Variants in GALM observed in about 807,000 individuals in gnomAD.
GALM encodes aldose 1-epimerase.
A neutral mutation model predicts 37.4 loss-of-function variants in GALM; 43 were observed. The ratio of observed to expected loss-of-function variants is 1.15; its 90% CI spans 0.90 to 1.48. GALM has a LOEUF of 1.48. GALM is among the 40% of genes most tolerant of loss of function. GALM has a pLI of 0.00. For missense variants in GALM, 456 were observed against 419.1 expected (o/e 1.09, Z -0.77); for synonymous variants, 199 against 170.6 (o/e 1.17, Z -1.30).
intron 3 of GALM, chr2:38,682,255 C>T (rs1191712448): frequency 2.2e-6 from 1 of 455,372 alleles, no homozygotes; most frequent in South Asian, 1.6e-5. Flanking sequence ...CAGTTTAGCT[C>T]ATTGAGGAGG....
At chr2:38,709,837 C>G (rs1289660661) in intron 4 of GALM, among the ~76,000 whole-genome samples, 2 of 152,194 alleles carry the variant, frequency 1.3e-5, no homozygotes, top group African/African-American at 4.8e-5. Context: ...AGATGATTTA[C>G]GAAGATGGCT....
chr2:38,732,647 A>G (rs771167150), intron 6 of GALM, among the ~76,000 whole-genome samples: 1 of 152,184 alleles, frequency 6.6e-6, no homozygotes, highest in African/African-American at 2.4e-5. Context: ...TGGGCTGGGC[A>G]AGGTGGCTCA....
At chr2:38,730,141 C>T (rs1467237589) in intron 5 of GALM, among the ~76,000 whole-genome samples, 4 of 152,242 alleles carry the variant, frequency 2.6e-5, no homozygotes, top group Non-Finnish European at 5.9e-5. Context: ...TGCACGCTCT[C>T]GCCTTCTCAC....
chr2:38,733,136 G>A (rs978808712), intron 6 of GALM, among the ~76,000 whole-genome samples: 3 of 149,006 alleles, frequency 2.0e-5, no homozygotes, highest in Non-Finnish European at 3.0e-5. Context: ...CAGGAGAATC[G>A]CTTGAACCCA....
At chr2:38,709,567 A>AC (rs1009603009) in intron 4 of GALM, among the ~76,000 whole-genome samples, 5 of 151,936 alleles carry the variant, frequency 3.3e-5, no homozygotes, top group Non-Finnish European at 7.4e-5. Context: ...AAAAAAAAAA[A>AC]CATAAGACAA....
intron 3 of GALM, among the ~76,000 whole-genome samples, chr2:38,684,622 A>C (rs1046156001): frequency 6.6e-6 from 1 of 152,214 alleles, no homozygotes; most frequent in Non-Finnish European, 1.5e-5. Context: ...CCTGCCCAAC[A>C]TGGTAAAAAC....
At chr2:38,682,167 C>A (rs1023909080) in intron 3 of GALM, 36 of 362,526 alleles carry the variant, frequency 9.9e-5, no homozygotes, top group African/African-American at 6.4e-4. Context: ...GAACTGCCCA[C>A]ATAAGAGTGG....
At chr2:38,703,304 T>TACTAAA (rs1665968433) in intron 4 of GALM, among the ~76,000 whole-genome samples, 1 of 150,142 alleles carries the variant, frequency 6.7e-6, no homozygotes. Context: ...ACAGGTTTCT[T>TACTAAA]CATGTTGGTC....
chr2:38,729,520 C>T (rs751731532), intron 4 of GALM, 36 bp from the exon 5 acceptor site: 3 of 1,600,958 alleles, frequency 1.9e-6, no homozygotes, highest in East Asian at 2.2e-5. Flanking sequence ...GAGACTTGGG[C>T]ATTTATCACC....
At chr2:38,666,517 C>T (rs1305701802) in intron 1 of GALM, among the ~76,000 whole-genome samples, 166 bp downstream of exon 1, 1 of 152,206 alleles carries the variant, frequency 6.6e-6, no homozygotes, top group African/African-American at 2.4e-5. Context: ...TGTGGCCATC[C>T]AGCATTTGGG....
Position 38,727,199 on chromosome 2 carries a change from G to C in GALM, c.635-2357G>C, listed in dbSNP as rs541060463. Among the ~76,000 whole-genome samples, 3 of 147,240 alleles carry C rather than the reference G, an allele frequency of 2.0e-5. No individual in the cohort carries two copies. The East Asian group carries it at 6.0e-4, about 29-fold the overall frequency. On this transcript the variant is annotated intron_variant, in intron 4 of 6. Coordinates refer to ENST00000272252, the MANE Select transcript of GALM (RefSeq NM_138801.3). ...CCACTGCACTCCAGCTTGGGCGACA[G>C]AGTGAGACTCCGTCTCAAGAAAAAA...
chr2:38,666,611 A>G (rs887073269), intron 1 of GALM, among the ~76,000 whole-genome samples: 1 of 152,210 alleles, frequency 6.6e-6, no homozygotes, highest in Non-Finnish European at 1.5e-5. Context: ...AGGTCAGCTG[A>G]TGGTATGATA....
chr2:38,692,528 G>C (rs1665702082), intron 4 of GALM, among the ~76,000 whole-genome samples: 1 of 152,148 alleles, frequency 6.6e-6, no homozygotes, highest in South Asian at 2.1e-4. Flanking sequence ...TGGGATTACA[G>C]GTGTGAGCCA....
At chr2:38,681,745 C>T (rs943416240) in intron 3 of GALM, among the ~76,000 whole-genome samples, 1 of 152,248 alleles carries the variant, frequency 6.6e-6, no homozygotes. Context: ...TTCAAGAACT[C>T]CCTCTCAGAA....
chr2:38,669,606 C>G (rs370762959), intron 1 of GALM: 1 of 151,970 alleles, frequency 6.6e-6, no homozygotes, highest in African/African-American at 2.4e-5. Flanking sequence ...TGTTTTTTGC[C>G]GGGCACGGTG....
At chr2:38,685,249 C>T (rs904965240) in intron 3 of GALM, among the ~76,000 whole-genome samples, 3 of 152,150 alleles carry the variant, frequency 2.0e-5, no homozygotes, top group Non-Finnish European at 4.4e-5. Flanking sequence ...AAAATTTGCC[C>T]TCTGGAAATG....
chr2:38,670,887 A>C (rs1306209974), intron 1 of GALM, among the ~76,000 whole-genome samples: 1 of 152,216 alleles, frequency 6.6e-6, no homozygotes, highest in Non-Finnish European at 1.5e-5. Flanking sequence ...ACCAAAGGAT[A>C]AGTCATTCTG....
At chr2:38,685,865 G>A (rs773330343) in intron 3 of GALM, among the ~76,000 whole-genome samples, 3 of 151,540 alleles carry the variant, frequency 2.0e-5, no homozygotes, top group Admixed American at 6.6e-5. Context: ...TTACAGGCAC[G>A]TGCCCCTGGC....
At chr2:38,727,218 GAAA>G (rs397868719) in intron 4 of GALM, among the ~76,000 whole-genome samples, 1 of 113,762 alleles carries the variant, frequency 8.8e-6, no homozygotes, top group Non-Finnish European at 1.9e-5. Context: ...TCCGTCTCAA[GAAA>G]AAAAAAAAAA....
Sources: gnomAD v4.1 joint callset for allele counts (sites outside exome capture counted in the v4.1 genomes callset) on GRCh38, gnomAD v4.1.1 for gene constraint, MANE v1.5 for transcripts, NCBI Gene and HGNC (gene_info 2026-07-23, HGNC 2026-07-21) for gene names.